The following ARHGAP15 variants were observed in gnomAD, a reference collection of about 807,000 sequenced individuals.
ARHGAP15 encodes the protein Rho GTPase activating protein 15.
In ARHGAP15, 51 loss-of-function variants were observed where a neutral mutation model predicts 63.7. The ratio of observed to expected loss-of-function variants is 0.80; its 90% CI spans 0.64 to 1.01. The LOEUF (loss-of-function observed/expected upper bound fraction) is 1.01. Ranked by LOEUF, ARHGAP15 falls within the 50% of genes least tolerant of loss-of-function variation. The pLI is 0.00. For missense variants in ARHGAP15, 560 were observed against 564.6 expected, an observed-to-expected ratio of 0.99 and a Z score of 0.08; for synonymous variants, 191 against 193.8, an observed-to-expected ratio of 0.99 and a Z score of 0.12.
intron 12 of ARHGAP15, among the ~76,000 whole-genome samples, chr2:143,662,145 T>A (rs1194332212): frequency 6.6e-6 from 1 of 152,212 alleles, no homozygotes; most frequent in Non-Finnish European, 1.5e-5. Flanking sequence ...AGCAGTAACC[T>A]CTGCAGACTT....
chr2:143,519,278 G>A lies in ARHGAP15; in HGVS notation c.839G>A (p.Gly280Asp), dbSNP rs552061501. ...EKGLIKDQIFGSHLHKVCERE... is the reference protein window; with the variant it reads ...EKGLIKDQIFDSHLHKVCERE... ...GTTTCTTTTGCAGATCAAATTTTTG[G>A]CTCTCATCTGCACAAAGTGTGTGAA... Residue 280 changes from glycine to aspartate, a missense_variant, in exon 10 of 14, where the codon GGC becomes GAC. Physicochemically the swap from Gly to Asp is moderately conservative, Grantham distance 94. Coordinates refer to ENST00000295095, the MANE Select transcript of ARHGAP15 (RefSeq NM_018460.4). 7 of 1,612,380 alleles carry A rather than the reference G, an allele frequency of 4.3e-6. No individual in the cohort carries two copies. The South Asian group carries it at 6.6e-5, about 15-fold the overall frequency.
intron 6 of ARHGAP15, among the ~76,000 whole-genome samples, chr2:143,333,886 C>T (rs1305006010): frequency 6.6e-6 from 1 of 152,100 alleles, no homozygotes; most frequent in Non-Finnish European, 1.5e-5. Flanking sequence ...ACCTGCTATT[C>T]AAAAATTGTT....
At chr2:143,158,783 AACAGAAAATCAG>A (rs2105016834) in intron 2 of ARHGAP15, among the ~76,000 whole-genome samples, 1 of 152,058 alleles carries the variant, frequency 6.6e-6, no homozygotes, top group Admixed American at 6.6e-5. Flanking sequence ...GAATGTGCTA[AACAGAAAATCAG>A]ACAGCTGAGG....
chr2:143,179,510 C>T (rs1010857102), intron 2 of ARHGAP15, among the ~76,000 whole-genome samples: 5 of 152,116 alleles, frequency 3.3e-5, no homozygotes, highest in African/African-American at 1.2e-4. Context: ...GCAAGTCATA[C>T]AAAAATTTTG....
At chr2:143,397,559 A>C (rs1362093431) in intron 6 of ARHGAP15, among the ~76,000 whole-genome samples, 1 of 135,882 alleles carries the variant, frequency 7.4e-6, no homozygotes, top group Non-Finnish European at 1.5e-5. Flanking sequence ...AAATATTGGC[A>C]AAAAAAAACG....
At chr2:143,551,602 A>G (rs969228756) in intron 10 of ARHGAP15, among the ~76,000 whole-genome samples, 1 of 152,160 alleles carries the variant, frequency 6.6e-6, no homozygotes, top group African/African-American at 2.4e-5. Flanking sequence ...AAAAAACTAT[A>G]TATTTTTAGA....
chr2:143,271,248 C>CT (rs1272881015), intron 6 of ARHGAP15, among the ~76,000 whole-genome samples: 160 of 152,294 alleles, frequency 1.1e-3, no homozygotes, highest in Admixed American at 0.01. Context: ...GGTATTAACC[C>CT]TTTAAAAAAG....
At chr2:143,594,311 A>C (rs914508733) in intron 11 of ARHGAP15, among the ~76,000 whole-genome samples, 2 of 152,204 alleles carry the variant, frequency 1.3e-5, no homozygotes, top group African/African-American at 4.8e-5. Flanking sequence ...GTCAGGTGCA[A>C]TGGGGACATT....
At chr2:143,687,657 A>C (rs1683409339) in intron 12 of ARHGAP15, among the ~76,000 whole-genome samples, 1 of 152,184 alleles carries the variant, frequency 6.6e-6, no homozygotes, top group Admixed American at 6.5e-5. Context: ...AAAGTCTAGC[A>C]CACAATTTTC....
In ARHGAP15 at chr2:143,575,742, T is replaced by C. The variant is rs1574654004; in HGVS notation, c.1003+19257T>C. On this transcript the variant is annotated intron_variant, in intron 11 of 13. Coordinates refer to ENST00000295095, the MANE Select transcript of ARHGAP15 (RefSeq NM_018460.4). Reference sequence around the variant, plus strand: ...TAAAATACTGCCTTCATATTTCTTCTGGAAATGTTAGCCTGAATCCATTAT... The same window carrying C: ...TAAAATACTGCCTTCATATTTCTTCCGGAAATGTTAGCCTGAATCCATTAT... 2.0e-5 allele frequency among the ~76,000 whole-genome samples: 3 copies of C among 152,302 alleles called. No homozygotes were observed. In the Middle Eastern group the frequency reaches 0.01, roughly 518 times the overall value.
At chr2:143,661,998 C>T (rs1353285686) in intron 12 of ARHGAP15, among the ~76,000 whole-genome samples, 10 of 152,224 alleles carry the variant, frequency 6.6e-5, no homozygotes, top group South Asian at 2.1e-4. Context: ...GGGGGAGGGG[C>T]GCCCGCCATT....
chr2:143,511,173 T>G (rs1307808737), intron 9 of ARHGAP15, among the ~76,000 whole-genome samples: 5 of 152,220 alleles, frequency 3.3e-5, no homozygotes, highest in Non-Finnish European at 5.9e-5. Flanking sequence ...GCTTAAAGAT[T>G]AAAAACCACC....
intron 9 of ARHGAP15, among the ~76,000 whole-genome samples, chr2:143,513,324 A>G (rs1693668970): frequency 6.6e-6 from 1 of 152,190 alleles, no homozygotes; most frequent in South Asian, 2.1e-4. Flanking sequence ...ACCGCTAAAA[A>G]TAATCAGCAG....
intron 8 of ARHGAP15, among the ~76,000 whole-genome samples, chr2:143,460,046 T>A (rs1690862816): frequency 6.6e-6 from 1 of 152,122 alleles, no homozygotes; most frequent in Non-Finnish European, 1.5e-5. Flanking sequence ...GTATAGGATG[T>A]AAAAGAAAAA....
chr2:143,173,012 G>T (rs1690858979), intron 2 of ARHGAP15, among the ~76,000 whole-genome samples: 1 of 152,014 alleles, frequency 6.6e-6, no homozygotes, highest in Admixed American at 6.6e-5. Flanking sequence ...TGAACCAGAC[G>T]ATGTCAGTTG....
At chr2:143,553,183 A>G (rs1695647414) in intron 10 of ARHGAP15, among the ~76,000 whole-genome samples, 1 of 152,242 alleles carries the variant, frequency 6.6e-6, no homozygotes, top group Admixed American at 6.5e-5. Context: ...CTGTACCTAT[A>G]TAATTTATAA....
chr2:143,250,374 T>C, intron 5 of ARHGAP15, 137 bp from the exon 6 acceptor site: 1 of 510,806 alleles, frequency 2.0e-6, no homozygotes, highest in Non-Finnish European at 3.3e-6. Context: ...TCCTACAAAT[T>C]AGGTTTCCCC....
At chr2:143,623,752 G>A (rs746960526) in intron 11 of ARHGAP15, among the ~76,000 whole-genome samples, 13 of 152,236 alleles carry the variant, frequency 8.5e-5, no homozygotes, top group Admixed American at 2.6e-4. Context: ...CCTTTAGGCC[G>A]GTCCCTTGAG....
intron 6 of ARHGAP15, among the ~76,000 whole-genome samples, chr2:143,348,788 T>C (rs937749739): frequency 2.6e-5 from 4 of 152,162 alleles, no homozygotes; most frequent in African/African-American, 9.7e-5. Flanking sequence ...TTCCCATGCC[T>C]CCACTACCTG....
Sources: allele counts gnomAD v4.1 joint callset (sites outside exome capture counted in the v4.1 genomes callset), GRCh38; gene constraint gnomAD v4.1.1; transcripts MANE v1.5; gene names NCBI Gene and HGNC (gene_info 2026-07-23, HGNC 2026-07-21).